The following MLXIP variants were observed in gnomAD, a reference collection of about 807,000 sequenced individuals.
MLXIP encodes the protein MLX-interacting protein.
Under a neutral mutation model 87.2 loss-of-function variants are expected in MLXIP, and 30 were observed. The ratio of observed to expected loss-of-function variants is 0.34; its 90% CI spans 0.26 to 0.47. The LOEUF (loss-of-function observed/expected upper bound fraction) is 0.47. Ranked by LOEUF, MLXIP falls within the 20% of genes least tolerant of loss-of-function variation. MLXIP has a pLI of 1.00. For missense variants in MLXIP, 1,002 were observed against 1,240.1 expected, an observed-to-expected ratio of 0.81 and a Z score of 2.88; for synonymous variants, 530 against 514.0, an observed-to-expected ratio of 1.03 and a Z score of -0.42.
In MLXIP at chr12:122,127,319, G is replaced by A; in HGVS notation, c.477G>A (p.Lys159=). ...GCCTGAAGCTACAGTGGAGAGACAA[G>A]ATCCGGCTCAATAATGCCATCTGGC... ...FKGLKLQWRD[K]IRLNNAIWRA... The change falls in exon 2 of 17, where the codon AAG becomes AAA. Residue 159 remains lysine (K), a synonymous_variant. Transcript: ENST00000319080. The A allele has an allele frequency of 1.2e-6, 2 of 1,613,684 alleles. No individual in the cohort carries two copies. The highest frequency in any genetic ancestry group is 8.5e-7 in the Non-Finnish European group (1 of 1,179,794).
At chr12:122,105,333 T>G (rs915732202) in intron 1 of MLXIP, among the ~76,000 whole-genome samples, 2 of 152,098 alleles carry the variant, frequency 1.3e-5, no homozygotes, top group Non-Finnish European at 2.9e-5. Flanking sequence ...TTTTTTTTAT[T>G]TAGAAGAGAT....
At position 122,129,931 on chromosome 12, in the gene MLXIP, G is replaced by A. The variant is rs1164505161; in HGVS notation, c.739-10G>A. 5 of 1,605,344 alleles carry A rather than the reference G, an allele frequency of 3.1e-6. No individual in the cohort carries two copies. In the Admixed American group the frequency reaches 5.0e-5, roughly 16 times the overall value. Reference sequence around the variant, plus strand: ...TTGATGCTTCCTCCCCTGTGTTGGTGTTGTGTTAGGACGATGACATGCTGT... The same window carrying A: ...TTGATGCTTCCTCCCCTGTGTTGGTATTGTGTTAGGACGATGACATGCTGT... On this transcript the variant is annotated splice_polypyrimidine_tract_variant and intron_variant, in intron 5 of 16. Coordinates refer to ENST00000319080, the MANE Select transcript of MLXIP (RefSeq NM_014938.6).
intron 1 of MLXIP, among the ~76,000 whole-genome samples, chr12:122,107,293 G>C (rs891786656): frequency 2.0e-5 from 3 of 152,114 alleles, no homozygotes. Context: ...ATTTCTGCCT[G>C]TGCTGTCGCT....
At chr12:122,129,356 TG>T in intron 4 of MLXIP, 130 bp downstream of exon 4, 1 of 974,006 alleles carries the variant, frequency 1.0e-6, no homozygotes, top group Non-Finnish European at 1.6e-6. Flanking sequence ...GCAGTAAATC[TG>T]GGGCCCAGCG....
Position 122,135,714 on chromosome 12 carries a change from C to G in MLXIP, c.2032+48C>G. The G allele has an allele frequency of 1.4e-6, 2 of 1,452,064 alleles. No individual in the cohort carries two copies. The highest frequency in any genetic ancestry group is 1.8e-6 in the Non-Finnish European group (2 of 1,105,038). 89.9% of individuals were successfully genotyped at this position (1,452,064 alleles called of 1,614,324 possible). A position where few individuals can be genotyped will look rare whatever the true frequency, so the allele number is the denominator to read the frequency against. On this transcript the variant is annotated intron_variant, in intron 11 of 16. Transcript: ENST00000319080. This position sits in a 1 kb window ranked among gnomAD's most constrained non-coding sequence, Gnocchi z 5.3. Reference sequence around the variant, plus strand: ...GGTTGGGGCATCGCAAGGGAAGTAACTGGGCCTGCCGTAGACCATGGGGGG... The same window carrying G: ...GGTTGGGGCATCGCAAGGGAAGTAAGTGGGCCTGCCGTAGACCATGGGGGG...
At chr12:122,086,816 A>T (rs1215776808) in intron 1 of MLXIP, among the ~76,000 whole-genome samples, 1 of 152,102 alleles carries the variant, frequency 6.6e-6, no homozygotes, top group East Asian at 1.9e-4. Context: ...AGGCAGTGCT[A>T]GGTCCCCCGC....
chr12:122,089,350 CT>C (rs1952213460), intron 1 of MLXIP, among the ~76,000 whole-genome samples: 1 of 152,164 alleles, frequency 6.6e-6, no homozygotes, highest in Non-Finnish European at 1.5e-5. Context: ...CAATAAATTC[CT>C]TTTATTTATT....
At position 122,106,716 on chromosome 12, in the gene MLXIP, C is replaced by T. The variant is rs551619343; in HGVS notation, c.414-20540C>T. Among the ~76,000 whole-genome samples the T allele has an allele frequency of 3.3e-4, 50 of 151,296 alleles. No individual in the cohort carries two copies. The South Asian group carries it at 4.8e-3, about 15-fold the overall frequency. ...TCCCGGGTTCAAGTGATCCTCCTGC[C>T]GTAGCCTCCTGAGTAGCTGGGACTA... On this transcript the variant is annotated intron_variant, in intron 1 of 16. Transcript: ENST00000319080.
intron 5 of MLXIP, 26 bp downstream of exon 5, chr12:122,129,655 A>AC (rs776647116): frequency 8.4e-5 from 132 of 1,565,776 alleles, no homozygotes; most frequent in Non-Finnish European, 1.1e-4. Context: ...AGCTCTGAGG[A>AC]CCCCCACTTT....
chr12:122,140,972 C>T lies in MLXIP; in HGVS notation c.2527C>T (p.Pro843Ser). Residue 843 changes from proline (P) to serine (S), a missense_variant, in exon 16 of 17, where the codon CCG becomes TCG. This residue lies in a region of MLXIP where 746 missense variants were observed against 897.0 expected (regional missense o/e 0.83). Transcript: ENST00000319080. ...KFWIFSIIIKPLFESFKGMVS... is the reference protein window; with the variant it reads ...KFWIFSIIIKSLFESFKGMVS... ...ACTGCAGTTCAGCATCATCATCAAG[C>T]CGCTGTTTGAGTCGTTCAAGGGCAT... The T allele has an allele frequency of 6.2e-7, 1 of 1,614,038 alleles. No homozygotes were observed. Among genetic ancestry groups the T allele is most frequent in the Non-Finnish European group, 8.5e-7 (1 of 1,179,896 alleles).
Position 122,078,877 on chromosome 12 carries a change from C to A in MLXIP, c.24C>A (p.Cys8Ter). The change falls in exon 1 of 17, where the codon TGC (cysteine) becomes TGA (stop). Residue 8 changes from cysteine to a stop codon, truncating the protein, a stop_gained. Coordinates refer to ENST00000319080, the MANE Select transcript of MLXIP (RefSeq NM_014938.6). LOFTEE classifies it high-confidence loss of function. MAADVFM[C>*]SPRRPRSRGR... ...TCATGGCCGCCGACGTCTTCATGTG[C>A]TCCCCGCGCCGGCCTCGCAGCCGGG... 8.9e-7 allele frequency: 1 copy of A among 1,127,738 alleles called. No individual in the cohort carries two copies. Among genetic ancestry groups the A allele is most frequent in the South Asian group, 2.9e-5 (1 of 35,018 alleles). The allele number at this position is 1,127,738 out of a possible 1,614,324, so 69.9% of individuals were successfully genotyped here.
chr12:122,122,971 C>T (rs12299752), intron 1 of MLXIP, among the ~76,000 whole-genome samples: 30,630 of 151,726 alleles, frequency 0.2, 3,205 homozygotes, highest in East Asian at 0.26. Flanking sequence ...GGATTACAGG[C>T]GTGAGCCACT....
chr12:122,130,653 C>G (rs1952961888), intron 6 of MLXIP, among the ~76,000 whole-genome samples, 191 bp from the exon 7 acceptor site: 1 of 151,940 alleles, frequency 6.6e-6, no homozygotes. Flanking sequence ...ACCTTCCTGG[C>G]AAAAACTTAC....
chr12:122,093,034 GGTGT>G (rs1236298421), intron 1 of MLXIP, among the ~76,000 whole-genome samples: 1 of 147,280 alleles, frequency 6.8e-6, no homozygotes, highest in Non-Finnish European at 1.5e-5. Flanking sequence ...ATGTATGTGT[GGTGT>G]GTGTGTATGG....
At chr12:122,088,932 G>T (rs1240109710) in intron 1 of MLXIP, among the ~76,000 whole-genome samples, 2 of 150,924 alleles carry the variant, frequency 1.3e-5, no homozygotes, top group East Asian at 3.9e-4. Context: ...AGCACTATGG[G>T]AGGTTGAGGC....
intron 1 of MLXIP, among the ~76,000 whole-genome samples, chr12:122,086,540 C>A (rs924672527): frequency 6.6e-6 from 1 of 152,186 alleles, no homozygotes; most frequent in Admixed American, 6.5e-5. Context: ...CCTGAGCTCT[C>A]ATTCCCTAGA....
intron 15 of MLXIP, among the ~76,000 whole-genome samples, chr12:122,140,385 C>T (rs1953176304): frequency 6.6e-6 from 1 of 152,116 alleles, no homozygotes; most frequent in Admixed American, 6.5e-5. Flanking sequence ...CAGCCTCCGC[C>T]TCCCGGGTTC....
intron 1 of MLXIP, among the ~76,000 whole-genome samples, chr12:122,119,814 T>A (rs1241276324): frequency 6.6e-6 from 1 of 152,236 alleles, no homozygotes; most frequent in Non-Finnish European, 1.5e-5. Flanking sequence ...GTGAGGTGGA[T>A]CTGTCGAATC....
At chr12:122,097,855 C>CCCA (rs1555227873) in intron 1 of MLXIP, among the ~76,000 whole-genome samples, 1 of 152,004 alleles carries the variant, frequency 6.6e-6, no homozygotes, top group African/African-American at 2.4e-5. Flanking sequence ...TTCCCCCTCC[C>CCCA]CACAAGAAAC....
Sources: gnomAD v4.1 joint callset for allele counts (sites outside exome capture counted in the v4.1 genomes callset) on GRCh38, gnomAD v4.1.1 for gene constraint, gnomAD v4.1.1 regional missense constraint, Gnocchi (gnomAD v3.1) non-coding constraint, MANE v1.5 for transcripts, NCBI Gene and HGNC (gene_info 2026-07-23, HGNC 2026-07-21) for gene names.